Variants in EBF1 observed in about 807,000 individuals in gnomAD.
EBF1 encodes transcription factor COE1.
EBF1 carries 10 observed loss-of-function variants against 68.4 expected under a neutral mutation model. The observed-to-expected ratio is 0.15, with a 90% CI of 0.09 to 0.25. EBF1 has a LOEUF of 0.25. Ranked by LOEUF, EBF1 falls within the 10% of genes least tolerant of loss-of-function variation. The pLI is 1.00. For missense variants in EBF1, 509 were observed against 794.4 expected, an observed-to-expected ratio of 0.64 and a Z score of 4.32; for synonymous variants, 298 against 299.8, an observed-to-expected ratio of 0.99 and a Z score of 0.06.
chr5:158,908,608 T>G (rs1298822259), intron 6 of EBF1, among the ~76,000 whole-genome samples: 1 of 152,262 alleles, frequency 6.6e-6, no homozygotes, highest in East Asian at 1.9e-4. Flanking sequence ...AAGTGTGTAT[T>G]GTTACTTCCA....
At chr5:159,049,362 T>G (rs1250061214) in intron 6 of EBF1, among the ~76,000 whole-genome samples, 1 of 152,154 alleles carries the variant, frequency 6.6e-6, no homozygotes, top group Non-Finnish European at 1.5e-5. Flanking sequence ...TAAGCATCAC[T>G]TGAGGGAGCT....
At chr5:159,060,614 C>G (rs1775604646) in intron 6 of EBF1, among the ~76,000 whole-genome samples, 1 of 151,780 alleles carries the variant, frequency 6.6e-6, no homozygotes. Flanking sequence ...TTTGTACAGT[C>G]AAATAGTGAA....
At chr5:158,866,853 A>ATATATATGTATATG (rs1795989645) in intron 6 of EBF1, among the ~76,000 whole-genome samples, 1 of 12,846 alleles carries the variant, frequency 7.8e-5, no homozygotes, top group African/African-American at 2.7e-4. Context: ...ATATATATAT[A>ATATATATGTATATG]TATATATATA....
intron 6 of EBF1, among the ~76,000 whole-genome samples, chr5:159,015,160 C>T (rs889125965): frequency 5.3e-5 from 8 of 152,108 alleles, no homozygotes; most frequent in African/African-American, 9.7e-5. Flanking sequence ...TTTTCTAATC[C>T]GTGAAAGAGG....
At chr5:158,765,014 T>C (rs1772354208) in intron 10 of EBF1, among the ~76,000 whole-genome samples, 1 of 152,178 alleles carries the variant, frequency 6.6e-6, no homozygotes, top group Non-Finnish European at 1.5e-5. Context: ...AAAAATGCAT[T>C]TAAGTACATT....
At chr5:158,709,252 T>TC in intron 14 of EBF1, among the ~76,000 whole-genome samples, 1 of 152,346 alleles carries the variant, frequency 6.6e-6, no homozygotes, top group African/African-American at 2.4e-5. Flanking sequence ...TATTGTTTTA[T>TC]CATTCACAAG....
At chr5:158,982,931 G>A (rs1426822794) in intron 6 of EBF1, 1 of 152,060 alleles carries the variant, frequency 6.6e-6, no homozygotes, top group African/African-American at 2.4e-5. Context: ...GCTCCCCTAT[G>A]AGGAACTGCT....
chr5:158,719,178 G>C (rs1355682932), intron 11 of EBF1, among the ~76,000 whole-genome samples: 1 of 152,094 alleles, frequency 6.6e-6, no homozygotes, highest in Non-Finnish European at 1.5e-5. Flanking sequence ...GTCAAGTTTT[G>C]ATCACTGTGA....
In EBF1 at chr5:159,073,404, T is replaced by C; in HGVS notation, c.546A>G (p.Ile182Met). 6.2e-7 allele frequency: 1 copy of C among 1,614,140 alleles called. No homozygotes were observed. The highest frequency in any genetic ancestry group is 2.2e-5 in the East Asian group (1 of 44,882). Reference sequence around the variant, plus strand: ...AGAAGAGTGGTCCCTACCTGTCAATTATCACTGGATCTGAGGGAGTCTCAT... The same window carrying C: ...AGAAGAGTGGTCCCTACCTGTCAATCATCACTGGATCTGAGGGAGTCTCAT... ...NRNETPSDPV[I>M]IDRFFLKFFL... The change falls in exon 6 of 16, where the codon ATA (isoleucine) becomes ATG (methionine). Residue 182 changes from isoleucine (I) to methionine (M), a missense_variant. Around this residue, in one of 3 missense-constraint regions of EBF1, gnomAD observed 230 missense variants for 467.7 expected, o/e 0.49. Transcript: ENST00000313708.
intron 6 of EBF1, among the ~76,000 whole-genome samples, chr5:159,065,382 C>G (rs747570329): frequency 6.6e-6 from 1 of 152,036 alleles, no homozygotes; most frequent in African/African-American, 2.4e-5. Context: ...ACGGCACTGG[C>G]GGGGAGCAGC....
intron 6 of EBF1, among the ~76,000 whole-genome samples, chr5:159,008,988 G>T (rs1391201599): frequency 6.6e-6 from 1 of 152,176 alleles, no homozygotes; most frequent in Non-Finnish European, 1.5e-5. Context: ...AGTAGGAGGT[G>T]ATTTTGACCT....
At chr5:158,727,123 A>C (rs1341987225) in intron 11 of EBF1, among the ~76,000 whole-genome samples, 2 of 152,198 alleles carry the variant, frequency 1.3e-5, no homozygotes, top group Admixed American at 1.3e-4. Context: ...CATCCTTCTG[A>C]CTTGAGAGCC....
At chr5:158,808,486 A>G (rs1782003714) in intron 8 of EBF1, among the ~76,000 whole-genome samples, 1 of 152,124 alleles carries the variant, frequency 6.6e-6, no homozygotes, top group African/African-American at 2.4e-5. Flanking sequence ...CCTCAGCAGC[A>G]GTTAAGAGCA....
intron 9 of EBF1, among the ~76,000 whole-genome samples, chr5:158,778,986 T>C (rs1775876573): frequency 6.6e-6 from 1 of 152,128 alleles, no homozygotes; most frequent in Admixed American, 6.6e-5. Flanking sequence ...TCTAATTTGC[T>C]CTTGTAATCT....
rs1404598567 is a variant in EBF1, at chr5:158,723,162, T to C, written c.1125+7907A>G. 2.0e-5 allele frequency among the ~76,000 whole-genome samples: 3 copies of C among 152,220 alleles called. No individual in the cohort carries two copies. In the East Asian group the frequency reaches 5.8e-4, roughly 29 times the overall value. On this transcript the variant is annotated intron_variant, in intron 11 of 15. Coordinates refer to ENST00000313708, the MANE Select transcript of EBF1 (RefSeq NM_024007.5). ...GGGTTTGTCTGCATTTACATGTGAA[T>C]TCTTCCTGCCGCTTCCACCTAGCTC...
In EBF1 at chr5:158,723,245, G is replaced by A. The variant is rs538765177; in HGVS notation, c.1125+7824C>T. On this transcript the variant is annotated intron_variant, in intron 11 of 15. Transcript: ENST00000313708. ...ACCACTTGCCTCCTTCCCTAACCAG[G>A]CTGGAAGGGTTTTAAGACTGATTTT... is the stretch of plus-strand genomic sequence containing the variant. Among the ~76,000 whole-genome samples the A allele has an allele frequency of 3.9e-5, 6 of 152,274 alleles. 1 individual carries two copies. In the South Asian group the frequency reaches 1.2e-3, roughly 32 times the overall value.
intron 6 of EBF1, among the ~76,000 whole-genome samples, chr5:158,868,717 C>A (rs1210422140): frequency 6.6e-6 from 1 of 152,088 alleles, no homozygotes; most frequent in Non-Finnish European, 1.5e-5. Context: ...TACATGGTGC[C>A]CCTGTCTCTG....
chr5:159,024,460 C>CA (rs963110044), intron 6 of EBF1, among the ~76,000 whole-genome samples: 47 of 151,810 alleles, frequency 3.1e-4, no homozygotes, highest in Middle Eastern at 3.4e-3. Flanking sequence ...CCAAACCAAA[C>CA]AAAAAAAATC....
rs778456440 is a variant in EBF1 at position 158,823,204 on chromosome 5, C to T, written c.750G>A (p.Ser250=). 5.6e-6 allele frequency: 9 copies of T among 1,613,802 alleles called. No homozygotes were observed. The highest frequency in any genetic ancestry group is 2.2e-5 in the East Asian group (1 of 44,892). ...GTTCCAGATAAGAGGGCGTACCTTCCGAGGGGTCAAGCCTCCGAGCCCTCC... is the reference window on the plus strand; with the variant it reads ...GTTCCAGATAAGAGGGCGTACCTTCTGAGGGGTCAAGCCTCCGAGCCCTCC... The part of the protein sequence containing the change: ...HGRRARRLDP[S]EGTPSYLEHA... Residue 250 remains serine, a synonymous_variant, in exon 8 of 16, where the codon TCG becomes TCA. Coordinates refer to ENST00000313708, the MANE Select transcript of EBF1 (RefSeq NM_024007.5).
Sources: gnomAD v4.1 joint callset for allele counts (sites outside exome capture counted in the v4.1 genomes callset) on GRCh38, gnomAD v4.1.1 for gene constraint, gnomAD v4.1.1 regional missense constraint, MANE v1.5 for transcripts, NCBI Gene and HGNC (gene_info 2026-07-23, HGNC 2026-07-21) for gene names.